The following CYP4F8 variants were observed in gnomAD, a reference collection of about 807,000 sequenced individuals.
CYP4F8 encodes cytochrome P450 family 4 subfamily F member 8, also known as cytochrome P450 4F8.
CYP4F8 carries 56 observed loss-of-function variants against 55.0 expected under a neutral mutation model. That is an observed-to-expected ratio of 1.02 (90% CI 0.82 to 1.27). The LOEUF (loss-of-function observed/expected upper bound fraction) is 1.27. CYP4F8 is among the 50% of genes most tolerant of loss of function. The pLI is 0.00. For synonymous variants in CYP4F8, 288 were observed against 267.3 expected (o/e 1.08, Z -0.76); for missense variants, 680 against 682.4 (o/e 1.00, Z 0.04).
rs1258049117 is a variant in CYP4F8, at chr19:15,618,039, C to G, written c.238C>G (p.Leu80Val). 4 of 1,614,120 alleles carry G rather than the reference C, an allele frequency of 2.5e-6. No individual in the cohort carries two copies. Among genetic ancestry groups the G allele is most frequent in the Non-Finnish European group, 3.4e-6 (4 of 1,179,972 alleles). ...GGAGGGCTTGAGGGTCCTGACCCAG[C>G]TGGTGGCCACCTACCCCCAGGGCTT... ...TEEGLRVLTQLVATYPQGFVR... is the reference protein window; with the variant it reads ...TEEGLRVLTQVVATYPQGFVR... The change falls in exon 3 of 13, where the codon CTG becomes GTG. Residue 80 changes from leucine (L) to valine (V), a missense_variant. By Grantham distance (32) the Leu-to-Val change is conservative. Coordinates refer to ENST00000612078, the MANE Select transcript of CYP4F8 (RefSeq NM_007253.4).
In CYP4F8 at chr19:15,620,644, G is replaced by A. The variant is rs1006104809; in HGVS notation, c.525+882G>A. Among the ~76,000 whole-genome samples, 3 of 152,116 alleles carry A rather than the reference G, an allele frequency of 2.0e-5. No individual in the cohort carries two copies. The Middle Eastern group carries it at 0.01, about 517-fold the overall frequency. Reference sequence around the variant, plus strand: ...TGACGTCAAGTGATCTGCCCTCCTCGGCCTCACAAAATGCTGGAATTACAG... The same window carrying A: ...TGACGTCAAGTGATCTGCCCTCCTCAGCCTCACAAAATGCTGGAATTACAG... On this transcript the variant is annotated intron_variant, in intron 5 of 12. Transcript: ENST00000612078.
At position 15,623,022 on chromosome 19, in the gene CYP4F8, G is replaced by A. The variant is rs1972213738; in HGVS notation, c.648-83G>A. 7 of 1,477,228 alleles carry A rather than the reference G, an allele frequency of 4.7e-6. No homozygotes were observed. The South Asian group carries it at 9.2e-5, about 19-fold the overall frequency. 91.5% of individuals were successfully genotyped at this position (1,477,228 alleles called of 1,614,324 possible). A position where few individuals can be genotyped will look rare whatever the true frequency, so the allele number is the denominator to read the frequency against. On this transcript the variant is annotated intron_variant, in intron 6 of 12. Transcript: ENST00000612078. The stretch of plus-strand genomic sequence containing the variant: ...GGACACCCCTTTCTGCATGGAATGT[G>A]GTCCTGGGATTCTGGCTGGAAGGTG...
chr19:15,629,101 G>A, intron 12 of CYP4F8, 92 bp from the exon 13 acceptor site: 1 of 1,472,486 alleles, frequency 6.8e-7, no homozygotes, highest in Middle Eastern at 2.5e-4. Flanking sequence ...AGGTGATCTG[G>A]GTGGGGTTGG....
At position 15,629,616 on chromosome 19, in the gene CYP4F8, G is replaced by A. The variant is rs1972311036; in HGVS notation, c.*258G>A. ...GAGGGTGGGATCTCCCAGAGTCTAA[G>A]TAAAGACTTTTTCCCCCCCAAAATA... On this transcript the variant is annotated 3_prime_UTR_variant, in exon 13 of 13. Transcript: ENST00000612078. 2.4e-6 allele frequency: 1 copy of A among 422,000 alleles called. No homozygotes were observed. Among genetic ancestry groups the A allele is most frequent in the Non-Finnish European group, 4.1e-6 (1 of 242,242 alleles). 26.1% of individuals were successfully genotyped at this position (422,000 alleles called of 1,614,324 possible).
At chr19:15,629,165 C>G (rs889144841) in intron 12 of CYP4F8, 28 bp from the exon 13 acceptor site, 1 of 1,568,724 alleles carries the variant, frequency 6.4e-7, no homozygotes. Context: ...GTCCTGGGTG[C>G]AGTCAGACCT....
chr19:15,622,777 T>A (rs1395515232), intron 6 of CYP4F8: 2 of 423,804 alleles, frequency 4.7e-6, no homozygotes, highest in Non-Finnish European at 8.7e-6. Flanking sequence ...GAAGATTGAC[T>A]GTCATGTAGA....
chr19:15,616,124 C>T (rs1972116649), intron 2 of CYP4F8, among the ~76,000 whole-genome samples: 1 of 147,928 alleles, frequency 6.8e-6, no homozygotes, highest in African/African-American at 2.5e-5. Context: ...CTCACTCACT[C>T]ATTCCTCTCC....
In CYP4F8 at chr19:15,628,577, A is replaced by G. The variant is rs1972293610; in HGVS notation, c.1296A>G (p.Ser432=). 6.2e-7 allele frequency: 1 copy of G among 1,613,824 alleles called. No homozygotes were observed. Among genetic ancestry groups the G allele is most frequent in the Non-Finnish European group, 8.5e-7 (1 of 1,179,832 alleles). ...TCTTCGCAATCCATCACAACCCCTCAGTCTGGCCAGACCCTGAGGTGCTGC... is the reference window on the plus strand; with the variant it reads ...TCTTCGCAATCCATCACAACCCCTCGGTCTGGCCAGACCCTGAGGTGCTGC... The part of the protein sequence containing the change: ...INIFAIHHNP[S]VWPDPEVYDP... The change falls in exon 11 of 13, where the codon TCA becomes TCG. Residue 432 remains serine, a synonymous_variant. Transcript: ENST00000612078.
rs573090940 is a variant in CYP4F8 at position 15,620,898 on chromosome 19, C to G, written c.525+1136C>G. Among the ~76,000 whole-genome samples the G allele has an allele frequency of 1.2e-4, 18 of 151,888 alleles. 1 individual carries two copies. The South Asian group carries it at 3.5e-3, about 30-fold the overall frequency. On this transcript the variant is annotated intron_variant, in intron 5 of 12. Coordinates refer to ENST00000612078, the MANE Select transcript of CYP4F8 (RefSeq NM_007253.4). ...TGTGAAACGACTAGGATTTTTTTTT[C>G]TCCTGTGAGCTAATAAATTAGCTTG...
intron 3 of CYP4F8, 118 bp from the exon 4 acceptor site, chr19:15,619,372 C>T: frequency 8.1e-7 from 1 of 1,241,022 alleles, no homozygotes; most frequent in Non-Finnish European, 1.1e-6. Flanking sequence ...TGGCCTCCTT[C>T]CTGCTATGCT....
intron 11 of CYP4F8, 24 bp downstream of exon 11, chr19:15,628,619 A>G (rs1468582665): frequency 6.2e-7 from 1 of 1,611,332 alleles, no homozygotes; most frequent in Admixed American, 1.7e-5. Context: ...CTGTTTCTCC[A>G]TCCCCCGGGC....
At chr19:15,628,873 T>G in intron 12 of CYP4F8, 30 bp downstream of exon 12, 1 of 1,564,686 alleles carries the variant, frequency 6.4e-7, no homozygotes, top group Non-Finnish European at 8.6e-7. Flanking sequence ...GAGGTGGGCA[T>G]GGGCTGAGGG....
rs118097863 is a variant in CYP4F8 at position 15,626,050 on chromosome 19, C to T, written c.1115+1956C>T. On this transcript the variant is annotated intron_variant, in intron 9 of 12. Transcript: ENST00000612078. Reference sequence around the variant, plus strand: ...TATGATTTGTGCTATATAAATGTAGCACTATGATTTGCAGCACCGTGGTTC... The same window carrying T: ...TATGATTTGTGCTATATAAATGTAGTACTATGATTTGCAGCACCGTGGTTC... Among the ~76,000 whole-genome samples the T allele has an allele frequency of 1.5e-3, 235 of 152,222 alleles. 3 individuals are homozygous for T. In the East Asian group the frequency reaches 0.029, roughly 19 times the overall value.
At chr19:15,618,241 G>T (rs778635730) in intron 3 of CYP4F8, 97 bp downstream of exon 3, 1 of 1,570,384 alleles carries the variant, frequency 6.4e-7, no homozygotes, top group Non-Finnish European at 8.8e-7. Context: ...GTAGTACTCA[G>T]CCCCTTCCTT....
In CYP4F8 at chr19:15,619,624, T is replaced by C; in HGVS notation, c.398-11T>C. On this transcript the variant is annotated splice_polypyrimidine_tract_variant and intron_variant, in intron 4 of 12. Coordinates refer to ENST00000612078, the MANE Select transcript of CYP4F8 (RefSeq NM_007253.4). Reference sequence around the variant, plus strand: ...TCTGCCCTTGCCCACAGCCTTTGGCTGCCGTACTAGGGGATGGGCTCTTGT... The same window carrying C: ...TCTGCCCTTGCCCACAGCCTTTGGCCGCCGTACTAGGGGATGGGCTCTTGT... The C allele has an allele frequency of 6.2e-7, 1 of 1,614,236 alleles. No individual in the cohort carries two copies. The highest frequency in any genetic ancestry group is 8.5e-7 in the Non-Finnish European group (1 of 1,180,026).
rs1252820171 is a variant in CYP4F8, at chr19:15,630,564, C to A, written c.*1206C>A. On this transcript the variant is annotated 3_prime_UTR_variant, in exon 13 of 13. Transcript: ENST00000612078. ...TACACATTTTCTTTATCCACTCCACCATTGATGGGCACCTGTGTTGATTCA... is the reference window on the plus strand; with the variant it reads ...TACACATTTTCTTTATCCACTCCACAATTGATGGGCACCTGTGTTGATTCA... 1 of 152,194 alleles carries A rather than the reference C, an allele frequency of 6.6e-6. No homozygotes were observed. Among genetic ancestry groups the A allele is most frequent in the Non-Finnish European group, 1.5e-5 (1 of 68,038 alleles). The allele number at this position is 152,194 out of a possible 1,614,324, so 9.4% of individuals were successfully genotyped here. A position where few individuals can be genotyped will look rare whatever the true frequency, so the allele number is the denominator to read the frequency against.
intron 2 of CYP4F8, 149 bp from the exon 3 acceptor site, chr19:15,617,851 A>C (rs1000845585): frequency 2.1e-6 from 2 of 943,416 alleles, no homozygotes; most frequent in African/African-American, 3.3e-5. Context: ...GGAAGGGGAG[A>C]TCCTCCTTCC....
At chr19:15,622,009 A>T in intron 5 of CYP4F8, 1 of 561,942 alleles carries the variant, frequency 1.8e-6, no homozygotes, top group African/African-American at 1.9e-5. Flanking sequence ...CTTAGGAATC[A>T]CAGCTGGGGC....
At chr19:15,623,578 G>T (rs376420821) in intron 7 of CYP4F8, 121 bp from the exon 8 acceptor site, 2 of 999,558 alleles carry the variant, frequency 2.0e-6, no homozygotes, top group Admixed American at 3.0e-5. Context: ...AAGGAAGCAT[G>T]TGGGGGTAGA....
Sources: gnomAD v4.1 joint callset for allele counts (sites outside exome capture counted in the v4.1 genomes callset) on GRCh38, gnomAD v4.1.1 for gene constraint, MANE v1.5 for transcripts, NCBI Gene and HGNC (gene_info 2026-07-23, HGNC 2026-07-21) for gene names.